EML5: variants seen among roughly 807,000 people sequenced by gnomAD.
EML5 encodes the protein EMAP like 5.
EML5 carries 120 observed loss-of-function variants against 250.0 expected under a neutral mutation model. The observed-to-expected ratio is 0.48, with a 90% CI of 0.41 to 0.56. The LOEUF (loss-of-function observed/expected upper bound fraction) is 0.56, where lower values mean the gene tolerates loss of function less well. Among genes scored for constraint, EML5 ranks in the 20% least tolerant of loss-of-function variants. The probability of loss-of-function intolerance (pLI) is 0.00; values close to 1 mark genes in which losing one functional copy is unlikely to be tolerated. For missense variants in EML5, 2,006 were observed against 2,437.6 expected (o/e 0.82, Z 3.73); for synonymous variants, 771 against 806.5 (o/e 0.96, Z 0.75).
chr14:88,766,552 C>T (rs1040864828), intron 1 of EML5, among the ~76,000 whole-genome samples: 2 of 152,172 alleles, frequency 1.3e-5, no homozygotes, highest in Non-Finnish European at 2.9e-5. Context: ...CTCTCAAACC[C>T]GGTCTCCTGA....
In EML5 at chr14:88,792,174, C is replaced by A; in HGVS notation, c.197+133G>T. Reference sequence around the variant, plus strand: ...GGGTGTTAACTGGTGGACTCGGGACCAGAGAGACAGCTGCGGATTCCCCTC... The same window carrying A: ...GGGTGTTAACTGGTGGACTCGGGACAAGAGAGACAGCTGCGGATTCCCCTC... On this transcript the variant is annotated intron_variant, in intron 1 of 43. Coordinates refer to ENST00000554922, the MANE Select transcript of EML5 (RefSeq NM_183387.3). This position sits in a 1 kb window ranked among gnomAD's most constrained non-coding sequence, Gnocchi z 6.9. The A allele has an allele frequency of 9.2e-7, 1 of 1,089,758 alleles. No individual in the cohort carries two copies. The highest frequency in any genetic ancestry group is 1.3e-6 in the Non-Finnish European group (1 of 778,924). The allele number at this position is 1,089,758 out of a possible 1,614,324, so 67.5% of individuals were successfully genotyped here.
chr14:88,660,452 G>T (rs894097300), intron 25 of EML5, among the ~76,000 whole-genome samples: 3 of 151,940 alleles, frequency 2.0e-5, no homozygotes, highest in Admixed American at 6.6e-5. Context: ...GAATGCCAAA[G>T]AATCTGTTGG....
At chr14:88,692,587 C>T (rs1422569813) in intron 17 of EML5, among the ~76,000 whole-genome samples, 2 of 152,138 alleles carry the variant, frequency 1.3e-5, no homozygotes, top group Non-Finnish European at 2.9e-5. Context: ...GGGACTTGTG[C>T]AGCATGGATT....
At chr14:88,725,617 A>G (rs2093655219) in intron 8 of EML5, among the ~76,000 whole-genome samples, 1 of 152,178 alleles carries the variant, frequency 6.6e-6, no homozygotes, top group African/African-American at 2.4e-5. Flanking sequence ...TCCTAAGGAC[A>G]GTACAAAGCC....
chr14:88,751,196 C>T (rs1465814803), intron 2 of EML5, among the ~76,000 whole-genome samples: 1 of 152,190 alleles, frequency 6.6e-6, no homozygotes, highest in Admixed American at 6.5e-5. Context: ...AATGACACAG[C>T]AAATACTACC....
chr14:88,707,530 C>T (rs964718543), intron 10 of EML5, among the ~76,000 whole-genome samples: 19 of 152,040 alleles, frequency 1.2e-4, no homozygotes, highest in African/African-American at 4.3e-4. Flanking sequence ...GCTTAGCTTC[C>T]TTTTGATATT....
chr14:88,647,367 CAAAAAAAAG>C (rs1555425295), intron 28 of EML5, among the ~76,000 whole-genome samples: 3 of 149,094 alleles, frequency 2.0e-5, no homozygotes, highest in South Asian at 2.1e-4. Context: ...GACTCCATCT[CAAAAAAAAG>C]AAAAAAAAGA....
intron 8 of EML5, among the ~76,000 whole-genome samples, chr14:88,725,542 T>C (rs544033895): frequency 2.4e-4 from 36 of 152,250 alleles, no homozygotes; most frequent in African/African-American, 8.2e-4. Flanking sequence ...TGAAAGAAAC[T>C]GGGGTACTGA....
intron 14 of EML5, among the ~76,000 whole-genome samples, chr14:88,700,709 CA>C (rs890324822): frequency 6.6e-6 from 1 of 152,080 alleles, no homozygotes; most frequent in African/African-American, 2.4e-5. Context: ...AAAACAAACA[CA>C]AAAACCTGAC....
chr14:88,628,071 A>T (rs1007586063), intron 33 of EML5: 3 of 501,204 alleles, frequency 6.0e-6, no homozygotes, highest in African/African-American at 5.9e-5. Flanking sequence ...TTGGAAAAAC[A>T]GCATTTAGAC....
At chr14:88,630,312 G>C (rs894524067) in intron 33 of EML5, among the ~76,000 whole-genome samples, 3 of 152,076 alleles carry the variant, frequency 2.0e-5, no homozygotes, top group African/African-American at 7.2e-5. Flanking sequence ...TTACAGGCAT[G>C]AGCCACCATG....
rs533340086 is a variant in EML5, at chr14:88,612,741, A to AAGAT, written c.*3073_*3076dup. 1 of 152,764 alleles carries AAGAT rather than the reference A, an allele frequency of 6.5e-6. No individual in the cohort carries two copies. Among genetic ancestry groups the AAGAT allele is most frequent in the Admixed American group, 6.5e-5 (1 of 15,300 alleles). 9.5% of individuals were successfully genotyped at this position (152,764 alleles called of 1,614,324 possible). On this transcript the variant is annotated 3_prime_UTR_variant, in exon 44 of 44. Coordinates refer to ENST00000554922, the MANE Select transcript of EML5 (RefSeq NM_183387.3). ...AGATCAGATCAGATAGGTAAACTGCAAGATAGATAGGATGAAACTTTTGGC... is the reference window on the plus strand; with the variant it reads ...AGATCAGATCAGATAGGTAAACTGCAAGATAGATAGATAGGATGAAACTTTTGGC...
At chr14:88,721,203 T>C (rs2093584053) in intron 8 of EML5, among the ~76,000 whole-genome samples, 1 of 152,158 alleles carries the variant, frequency 6.6e-6, no homozygotes, top group Non-Finnish European at 1.5e-5. Context: ...AAGTAATTTA[T>C]AGATTCAATG....
At chr14:88,787,270 T>C (rs2094560612) in intron 1 of EML5, among the ~76,000 whole-genome samples, 1 of 152,232 alleles carries the variant, frequency 6.6e-6, no homozygotes, top group African/African-American at 2.4e-5. Flanking sequence ...CTATTCCTAG[T>C]ATACATATGC....
rs1247428208 is a variant in EML5 at position 88,769,971 on chromosome 14, T to G, written c.198-15300A>C. Among the ~76,000 whole-genome samples the G allele has an allele frequency of 3.3e-5, 5 of 152,124 alleles. No homozygotes were observed. The East Asian group carries it at 9.7e-4, about 29-fold the overall frequency. The stretch of plus-strand genomic sequence containing the variant: ...AGATTACAGCATTATGTGCAGTTTT[T>G]TTTTTTTTTTGGTCTTTATCCTTAC... On this transcript the variant is annotated intron_variant, in intron 1 of 43. Transcript: ENST00000554922.
intron 36 of EML5, chr14:88,624,733 A>G (rs1012518992): frequency 2.5e-5 from 12 of 474,710 alleles, no homozygotes; most frequent in Middle Eastern, 5.8e-4. Flanking sequence ...TTGTAGGACA[A>G]CTACCTATCC....
chr14:88,772,614 G>T (rs143498940), intron 1 of EML5, among the ~76,000 whole-genome samples: 5,928 of 152,182 alleles, frequency 0.039, 391 homozygotes, highest in African/African-American at 0.13. Context: ...TTAGCAAGGC[G>T]TGGTGGTGCG....
rs771000944 is a variant in EML5 at position 88,702,555 on chromosome 14, C to T, written c.2129G>A (p.Gly710Asp). Residue 710 changes from glycine to aspartate, a missense_variant, in exon 14 of 44, where the codon GGT (glycine) becomes GAT (aspartate). By Grantham distance (94) the Gly-to-Asp change is moderately conservative. This residue lies in a region of EML5 where 1,375 missense variants were observed against 1,590.3 expected (regional missense o/e 0.86). Transcript: ENST00000554922. ...GEIVYHVAAV[G>D]VIYNRQQNTQ... Reference sequence around the variant, plus strand: ...GTTTTGCTGTCGATTATAAATGACACCCACTGCTGCCACATGGTACACAAT... The same window carrying T: ...GTTTTGCTGTCGATTATAAATGACATCCACTGCTGCCACATGGTACACAAT... 2 of 1,612,792 alleles carry T rather than the reference C, an allele frequency of 1.2e-6. No homozygotes were observed. The highest frequency in any genetic ancestry group is 2.7e-5 in the African/African-American group (2 of 74,882).
intron 14 of EML5, among the ~76,000 whole-genome samples, chr14:88,700,154 C>A (rs556346497): frequency 1.3e-5 from 2 of 152,156 alleles, no homozygotes; most frequent in African/African-American, 2.4e-5. Context: ...AATTATAGTA[C>A]AATTAGTCAT....
Sources: gnomAD v4.1 joint callset for allele counts (sites outside exome capture counted in the v4.1 genomes callset) on GRCh38, gnomAD v4.1.1 for gene constraint, gnomAD v4.1.1 regional missense constraint, Gnocchi (gnomAD v3.1) non-coding constraint, MANE v1.5 for transcripts, NCBI Gene and HGNC (gene_info 2026-07-23, HGNC 2026-07-21) for gene names.